The following TMEM131 variants were observed in gnomAD, a reference collection of about 807,000 sequenced individuals.
The protein encoded by TMEM131 is transmembrane protein 131, also known as 2610524E03Rik.
In TMEM131, 66 loss-of-function variants were observed where a neutral mutation model predicts 211.6. That is an observed-to-expected ratio of 0.31 (90% CI 0.26 to 0.38). The LOEUF is 0.38. Among genes scored for constraint, TMEM131 ranks in the 10% least tolerant of loss-of-function variants. The pLI, the probability that TMEM131 is intolerant of heterozygous loss-of-function variation, is 1.00. For missense variants in TMEM131, 2,036 were observed against 2,299.3 expected (o/e 0.89, Z 2.34); for synonymous variants, 844 against 841.3 (o/e 1.00, Z -0.06).
intron 1 of TMEM131, among the ~76,000 whole-genome samples, chr2:97,928,018 T>G (rs545985878): frequency 1.3e-5 from 2 of 152,244 alleles, no homozygotes; most frequent in African/African-American, 2.4e-5. Context: ...GGTAATATAT[T>G]TAAAAGCTAA....
chr2:97,954,373 A>G (rs1287910257), intron 1 of TMEM131, among the ~76,000 whole-genome samples: 2 of 152,276 alleles, frequency 1.3e-5, no homozygotes, highest in Non-Finnish European at 2.9e-5. Flanking sequence ...CATAGAATGA[A>G]TAACTTTATG....
rs754499763 is a variant in TMEM131 at position 97,756,641 on chromosome 2, T to C, written c.*458A>G. On this transcript the variant is annotated 3_prime_UTR_variant, in exon 41 of 41. Transcript: ENST00000186436. ...TTTTCAGCACAAAGTCCTCATACAG[T>C]TTTAAAATTAGATCTTGGCGCATAA... 58 of 152,752 alleles carry C rather than the reference T, an allele frequency of 3.8e-4. No homozygotes were observed. The highest frequency in any genetic ancestry group is 6.9e-4 in the Non-Finnish European group (47 of 68,464). 9.5% of individuals were successfully genotyped at this position (152,752 alleles called of 1,614,324 possible).
At chr2:97,813,831 T>TA (rs1681684834) in intron 15 of TMEM131, 140 bp downstream of exon 15, 1 of 680,442 alleles carries the variant, frequency 1.5e-6, no homozygotes, top group Non-Finnish European at 2.3e-6. Flanking sequence ...CCTGGAAAGG[T>TA]AAAAACTGAC....
chr2:97,758,007 C>A (rs1217392321), intron 40 of TMEM131, among the ~76,000 whole-genome samples: 1 of 152,118 alleles, frequency 6.6e-6, no homozygotes, highest in African/African-American at 2.4e-5. Flanking sequence ...TGGTGGGCGC[C>A]TCTAGTCCCA....
chr2:97,942,117 C>CAT (rs1002573307), intron 1 of TMEM131, among the ~76,000 whole-genome samples: 2 of 152,034 alleles, frequency 1.3e-5, no homozygotes, highest in African/African-American at 4.8e-5. Flanking sequence ...AAATGTGGCA[C>CAT]ATATACACCA....
At chr2:97,950,599 C>T (rs190135046) in intron 1 of TMEM131, among the ~76,000 whole-genome samples, 108 of 152,262 alleles carry the variant, frequency 7.1e-4, no homozygotes, top group South Asian at 5.8e-3. Flanking sequence ...CAGCAACAGA[C>T]TGGGAGAGCA....
chr2:97,782,119 A>T (rs1337412359), intron 31 of TMEM131, among the ~76,000 whole-genome samples: 2 of 151,862 alleles, frequency 1.3e-5, no homozygotes. Context: ...TAAGGAGCCA[A>T]CTCTCCCCTC....
intron 3 of TMEM131, among the ~76,000 whole-genome samples, chr2:97,896,669 A>G (rs1323514017): frequency 1.3e-5 from 2 of 152,250 alleles, no homozygotes; most frequent in East Asian, 3.9e-4. Flanking sequence ...TTCATCAGAG[A>G]CTAGGATTGT....
chr2:97,976,864 C>T (rs972521790), intron 1 of TMEM131, among the ~76,000 whole-genome samples: 13 of 149,058 alleles, frequency 8.7e-5, no homozygotes, highest in African/African-American at 3.0e-4. Flanking sequence ...CATGCAATTG[C>T]TTTTCAACAA....
At chr2:97,936,540 G>T (rs189218049) in intron 1 of TMEM131, among the ~76,000 whole-genome samples, 1 of 152,188 alleles carries the variant, frequency 6.6e-6, no homozygotes, top group Non-Finnish European at 1.5e-5. Context: ...ACTGGTTCCA[G>T]GTTTTTAAGG....
chr2:97,907,942 C>T (rs535415154), intron 3 of TMEM131, among the ~76,000 whole-genome samples: 30 of 152,182 alleles, frequency 2.0e-4, no homozygotes, highest in African/African-American at 6.7e-4. Context: ...TATGGTCCTC[C>T]GGGGAGCAAT....
chr2:97,866,025 G>GGTGCCC (rs71386037), intron 4 of TMEM131, among the ~76,000 whole-genome samples: 52,014 of 151,474 alleles, frequency 0.34, 9,754 homozygotes, highest in Middle Eastern at 0.49. Context: ...TGGGACTACA[G>GGTGCCC]GTGCCCACTA....
intron 4 of TMEM131, among the ~76,000 whole-genome samples, chr2:97,881,296 T>C (rs187785831): frequency 0.025 from 3,784 of 151,686 alleles, 166 homozygotes; most frequent in African/African-American, 0.088. Context: ...TGGAGTGCAC[T>C]GTTGTGATCT....
Position 97,976,129 on chromosome 2 carries a change from C to G in TMEM131, c.187+19347G>C, listed in dbSNP as rs187501755. 9.1e-4 allele frequency among the ~76,000 whole-genome samples: 138 copies of G among 152,208 alleles called. 1 individual carries two copies. Among genetic ancestry groups the G allele is most frequent in the Admixed American group, 1.8e-3 (27 of 15,292 alleles). The stretch of plus-strand genomic sequence containing the variant: ...ATGGTGGAAGACTGAATGCTTCCCC[C>G]CTAAGATTATGAACAAGACAGAGAT... On this transcript the variant is annotated intron_variant, in intron 1 of 40. Coordinates refer to ENST00000186436, the MANE Select transcript of TMEM131 (RefSeq NM_015348.2).
At chr2:97,887,527 G>C (rs916362064) in intron 4 of TMEM131, among the ~76,000 whole-genome samples, 1 of 152,048 alleles carries the variant, frequency 6.6e-6, no homozygotes, top group Non-Finnish European at 1.5e-5. Flanking sequence ...TTAGAGGCCC[G>C]GGGGTCTCTC....
At chr2:97,983,577 C>A (rs1202339855) in intron 1 of TMEM131, among the ~76,000 whole-genome samples, 1 of 152,054 alleles carries the variant, frequency 6.6e-6, no homozygotes, top group Non-Finnish European at 1.5e-5. Context: ...CTGTCAGTAA[C>A]AACATGAACC....
At chr2:97,938,777 A>T (rs1271721831) in intron 1 of TMEM131, among the ~76,000 whole-genome samples, 6 of 152,234 alleles carry the variant, frequency 3.9e-5, no homozygotes. Flanking sequence ...CATAGTTGGA[A>T]GTAAAGCACT....
At chr2:97,815,367 AT>A in intron 12 of TMEM131, 60 bp from the exon 13 acceptor site, 1 of 1,058,360 alleles carries the variant, frequency 9.4e-7, no homozygotes, top group East Asian at 2.9e-5. Context: ...GAATTAGTGA[AT>A]TTATGTAAAT....
chr2:97,788,869 G>A (rs567478309), intron 31 of TMEM131, among the ~76,000 whole-genome samples: 36 of 152,156 alleles, frequency 2.4e-4, no homozygotes, highest in Non-Finnish European at 4.6e-4. Flanking sequence ...CAAGCACCAT[G>A]TTTCCATGTA....
Sources: gnomAD v4.1 joint callset for allele counts (sites outside exome capture counted in the v4.1 genomes callset) on GRCh38, gnomAD v4.1.1 for gene constraint, MANE v1.5 for transcripts, NCBI Gene and HGNC (gene_info 2026-07-23, HGNC 2026-07-21) for gene names.